ZNF83: variants seen among roughly 807,000 people sequenced by gnomAD.
ZNF83 encodes the protein zinc finger protein 816B.
For synonymous variants in ZNF83, 209 were observed against 213.0 expected (o/e 0.98, Z 0.17); for missense variants, 552 against 629.9 (o/e 0.88, Z 1.32).
chr19:52,678,336 G>C (rs1000090982), intron 1 of ZNF83, among the ~76,000 whole-genome samples: 43 of 150,462 alleles, frequency 2.9e-4, no homozygotes, highest in Non-Finnish European at 5.5e-4. Flanking sequence ...TATAATCCCA[G>C]TTACTTGGGA....
At chr19:52,688,317 C>T (rs768864499) in intron 1 of ZNF83, among the ~76,000 whole-genome samples, 18 of 151,708 alleles carry the variant, frequency 1.2e-4, no homozygotes, top group Non-Finnish European at 2.5e-4. Context: ...ATTACAGGTG[C>T]GCACCATCAT....
rs1600195651 is a variant in ZNF83, at chr19:52,632,495, G to A, written c.-234+2571C>T. 2.0e-5 allele frequency among the ~76,000 whole-genome samples: 3 copies of A among 152,218 alleles called. No homozygotes were observed. The South Asian group carries it at 6.2e-4, about 32-fold the overall frequency. ...AAACTTGTCATCCCTACTATCTTCT[G>A]TCTAGTCATGCTCCTATTCACCCTT... On this transcript the variant is annotated intron_variant, in intron 2 of 2. Coordinates refer to ENST00000301096, the Ensembl canonical transcript of ZNF83.
intron 1 of ZNF83, among the ~76,000 whole-genome samples, chr19:52,663,480 G>C (rs1169810166): frequency 6.6e-6 from 1 of 152,166 alleles, no homozygotes; most frequent in Non-Finnish European, 1.5e-5. Flanking sequence ...TGGACCAGAG[G>C]AACTTGAGGA....
intron 3 of ZNF83, chr19:52,653,321 T>G: frequency 7.6e-7 from 1 of 1,317,070 alleles, no homozygotes. Flanking sequence ...GTGTAAGGTT[T>G]CTCTCCAGTA....
intron 3 of ZNF83, chr19:52,650,643 A>T (rs980018940): frequency 2.0e-5 from 3 of 152,180 alleles, no homozygotes; most frequent in African/African-American, 7.2e-5. Flanking sequence ...TATTAGAAGA[A>T]CTTCAAGTTT....
chr19:52,687,616 GTATA>G (rs1427281800), intron 1 of ZNF83, among the ~76,000 whole-genome samples: 1 of 15,822 alleles, frequency 6.3e-5, no homozygotes, highest in Non-Finnish European at 1.1e-4. Context: ...TATATAATGT[GTATA>G]TATATATATA....
At chr19:52,614,430 T>C (rs1181424733) in exon 3 of ZNF83, 3 of 1,613,638 alleles carry the variant, frequency 1.9e-6, no homozygotes, top group East Asian at 2.2e-5. Flanking sequence ...TGTTGACAGA[T>C]TTTTCCATGT....
At chr19:52,613,773 A>T in exon 3 of ZNF83, 1 of 1,608,712 alleles carries the variant, frequency 6.2e-7, no homozygotes, top group Non-Finnish European at 8.5e-7. Context: ...TTCCACATAC[A>T]TTACATCTGT....
chr19:52,614,138 G>A (rs752521213), exon 3 of ZNF83: 21 of 1,613,992 alleles, frequency 1.3e-5, no homozygotes, highest in Middle Eastern at 1.6e-4. Context: ...TCTCCAGTAT[G>A]AATTCTTTGA....
chr19:52,645,662 C>T (rs574778903), intron 3 of ZNF83, among the ~76,000 whole-genome samples: 2 of 152,012 alleles, frequency 1.3e-5, no homozygotes, highest in East Asian at 3.9e-4. Flanking sequence ...CAAAAATTAG[C>T]TGGGCGTGCT....
intron 1 of ZNF83, among the ~76,000 whole-genome samples, chr19:52,689,709 T>C (rs1322004679): frequency 6.6e-6 from 1 of 151,914 alleles, no homozygotes; most frequent in Non-Finnish European, 1.5e-5. Context: ...CTTATGGCTC[T>C]TTCTCATTCT....
intron 2 of ZNF83, among the ~76,000 whole-genome samples, chr19:52,626,767 T>C (rs1007814950): frequency 6.6e-6 from 1 of 152,184 alleles, no homozygotes; most frequent in Non-Finnish European, 1.5e-5. Context: ...ACGCAGCTCC[T>C]AATCTCACTC....
At chr19:52,641,821 C>T (rs973601307), upstream of ZNF83, among the ~76,000 whole-genome samples, 1 of 151,958 alleles carries the variant, frequency 6.6e-6, no homozygotes, top group Non-Finnish European at 1.5e-5. Flanking sequence ...CCACAGGTGC[C>T]CAAGGTTTTC....
chr19:52,627,427 C>T (rs1378569516), intron 2 of ZNF83, among the ~76,000 whole-genome samples: 1 of 151,854 alleles, frequency 6.6e-6, no homozygotes, highest in Non-Finnish European at 1.5e-5. Flanking sequence ...TTTGGGAGGC[C>T]GAGGTGGGTG....
chr19:52,680,543 C>T (rs1022077698), intron 1 of ZNF83, among the ~76,000 whole-genome samples: 1 of 151,344 alleles, frequency 6.6e-6, no homozygotes, highest in Non-Finnish European at 1.5e-5. Context: ...GACAAACCCA[C>T]GTTAAGGTAT....
At chr19:52,668,155 C>T (rs1016540775) in intron 1 of ZNF83, among the ~76,000 whole-genome samples, 1 of 152,142 alleles carries the variant, frequency 6.6e-6, no homozygotes, top group Non-Finnish European at 1.5e-5. Context: ...TCCAGTACAT[C>T]AGCATCGGCC....
At chr19:52,617,102 A>ATGATGGGT (rs1455351170) in intron 2 of ZNF83, 1 of 152,164 alleles carries the variant, frequency 6.6e-6, no homozygotes, top group East Asian at 1.9e-4. Flanking sequence ...TAAAACCTAG[A>ATGATGGGT]TGATGGGTTG....
chr19:52,627,359 T>TA (rs35408180), intron 2 of ZNF83, among the ~76,000 whole-genome samples: 30,058 of 148,842 alleles, frequency 0.2, 3,059 homozygotes, highest in Middle Eastern at 0.24. Context: ...AGGAGAGGCA[T>TA]AAAAAAGAAA....
At chr19:52,678,119 A>C (rs577077505) in intron 1 of ZNF83, among the ~76,000 whole-genome samples, 1 of 152,136 alleles carries the variant, frequency 6.6e-6, no homozygotes, top group East Asian at 1.9e-4. Context: ...ATTAGTGAAG[A>C]AAAACAATAA....
Sources: allele counts gnomAD v4.1 joint callset (sites outside exome capture counted in the v4.1 genomes callset), GRCh38; gene constraint gnomAD v4.1.1; transcripts MANE v1.5; gene names NCBI Gene and HGNC (gene_info 2026-07-23, HGNC 2026-07-21).